Variants in SLC25A13 observed in about 807,000 individuals in gnomAD.
The protein encoded by SLC25A13 is solute carrier family 25 member 13, also known as electrogenic aspartate/glutamate antiporter SLC25A13, mitochondrial.
In SLC25A13, 70 loss-of-function variants were observed where a neutral mutation model predicts 85.5. The ratio of observed to expected loss-of-function variants is 0.82; its 90% CI spans 0.68 to 1.00. SLC25A13 has a LOEUF of 1.00. Ranked by LOEUF, SLC25A13 falls within the 50% of genes least tolerant of loss-of-function variation. SLC25A13 has a pLI of 0.00. For synonymous variants in SLC25A13, 259 were observed against 288.7 expected (o/e 0.90, Z 1.04); for missense variants, 765 against 819.8 (o/e 0.93, Z 0.82).
At chr7:96,173,838 C>T (rs574994087) in intron 11 of SLC25A13, among the ~76,000 whole-genome samples, 1 of 152,280 alleles carries the variant, frequency 6.6e-6, no homozygotes, top group South Asian at 2.1e-4. Context: ...GCAACCTGAG[C>T]CTGCTACCAA....
chr7:96,279,685 A>G (rs903420313), intron 2 of SLC25A13, among the ~76,000 whole-genome samples: 2 of 152,198 alleles, frequency 1.3e-5, no homozygotes, highest in African/African-American at 2.4e-5. Flanking sequence ...CAGCCAAGCC[A>G]TATCACCAGT....
Position 96,277,281 on chromosome 7 carries a change from G to T in SLC25A13, c.127C>A (p.Arg43=). Residue 43 remains arginine, a synonymous_variant, in exon 3 of 18, where the codon CGA becomes AGA. Coordinates refer to ENST00000265631, the MANE Select transcript of SLC25A13 (RefSeq NM_014251.3). ...FFMSPNDFVT[R]YLNIFGESQP... is the part of the protein sequence containing the mutation. ...CTTTCTCCAAAAATGTTCAAGTATC[G>T]AGTGACAAAGTCATTGGGGGACATG... 1 of 1,612,656 alleles carries T rather than the reference G, an allele frequency of 6.2e-7. No homozygotes were observed. The highest frequency in any genetic ancestry group is 8.5e-7 in the Non-Finnish European group (1 of 1,179,362).
chr7:96,192,173 T>G (rs1794880113), intron 6 of SLC25A13, among the ~76,000 whole-genome samples: 1 of 152,042 alleles, frequency 6.6e-6, no homozygotes, highest in South Asian at 2.1e-4. Flanking sequence ...AACTAAGGAC[T>G]TGGGGGAAGA....
chr7:96,232,910 G>A (rs1367167217), intron 4 of SLC25A13, among the ~76,000 whole-genome samples: 1 of 152,172 alleles, frequency 6.6e-6, no homozygotes, highest in Non-Finnish European at 1.5e-5. Flanking sequence ...ACAATTCAAA[G>A]ACAGCTCTTG....
intron 14 of SLC25A13, among the ~76,000 whole-genome samples, chr7:96,140,577 G>C (rs1231509227): frequency 1.3e-5 from 2 of 150,936 alleles, no homozygotes; most frequent in Admixed American, 1.3e-4. Flanking sequence ...CTAATTTTTT[G>C]TACTTTTAGT....
In SLC25A13 at chr7:96,171,533, C is replaced by T; in HGVS notation, c.1178-9G>A. 1 of 1,608,778 alleles carries T rather than the reference C, an allele frequency of 6.2e-7. No individual in the cohort carries two copies. Among genetic ancestry groups the T allele is most frequent in the Non-Finnish European group, 8.5e-7 (1 of 1,175,390 alleles). On this transcript the variant is annotated splice_polypyrimidine_tract_variant and intron_variant, in intron 11 of 17. Transcript: ENST00000265631. ...TAACTGTGGCAACAGACCTAAAAAT[C>T]AACAAAAAGTAGAAGTATATTAAAT...
chr7:96,204,326 T>G (rs952085014), intron 5 of SLC25A13, among the ~76,000 whole-genome samples: 18 of 152,212 alleles, frequency 1.2e-4, no homozygotes, highest in African/African-American at 4.1e-4. Flanking sequence ...AGAAAAGTTT[T>G]AGAAACCTTT....
At chr7:96,190,449 C>T (rs1038112967) in intron 7 of SLC25A13, among the ~76,000 whole-genome samples, 3 of 151,964 alleles carry the variant, frequency 2.0e-5, no homozygotes, top group Admixed American at 2.0e-4. Flanking sequence ...AGCCTACAGA[C>T]CAACTTACAC....
rs748764269 is a variant in SLC25A13 at position 96,191,153 on chromosome 7, T to C, written c.710A>G (p.Tyr237Cys). ...LNNMELIRKI[Y>C]STLAGTRKDV... ...TTTCCTGGTGCCAGCCAGAGTGCTA[T>C]AGATCTTTCTAATGAGTTCCATGTT... Residue 237 changes from tyrosine to cysteine, a missense_variant, in exon 7 of 18, where the codon TAT becomes TGT. Physicochemically the swap from Tyr to Cys is radical, Grantham distance 194. Coordinates refer to ENST00000265631, the MANE Select transcript of SLC25A13 (RefSeq NM_014251.3). 5.6e-6 allele frequency: 9 copies of C among 1,614,118 alleles called. No individual in the cohort carries two copies. The highest frequency in any genetic ancestry group is 2.2e-5 in the East Asian group (1 of 44,856).
intron 7 of SLC25A13, among the ~76,000 whole-genome samples, chr7:96,190,795 T>G (rs1194093992): frequency 6.6e-6 from 1 of 152,080 alleles, no homozygotes; most frequent in Non-Finnish European, 1.5e-5. Context: ...GTATTTTTAG[T>G]AGAGACAGGG....
At chr7:96,251,080 A>G (rs1285153736) in intron 3 of SLC25A13, among the ~76,000 whole-genome samples, 1 of 152,086 alleles carries the variant, frequency 6.6e-6, no homozygotes, top group Non-Finnish European at 1.5e-5. Context: ...ACCCACATGT[A>G]TTATACAAGA....
intron 3 of SLC25A13, among the ~76,000 whole-genome samples, chr7:96,262,612 C>T (rs1430367851): frequency 6.6e-6 from 1 of 152,072 alleles, no homozygotes; most frequent in Non-Finnish European, 1.5e-5. Context: ...TTTATATTCA[C>T]CTTATGTTGG....
intron 2 of SLC25A13, among the ~76,000 whole-genome samples, chr7:96,293,004 G>A (rs1332089452): frequency 6.6e-6 from 1 of 152,172 alleles, no homozygotes; most frequent in Non-Finnish European, 1.5e-5. Context: ...AAAGCCAGAG[G>A]CGTCACGTTA....
At chr7:96,170,981 C>T (rs987419750) in intron 12 of SLC25A13, among the ~76,000 whole-genome samples, 10 of 152,168 alleles carry the variant, frequency 6.6e-5, no homozygotes, top group Non-Finnish European at 1.5e-5. Context: ...ATAGAACACA[C>T]CCTAACCATG....
intron 11 of SLC25A13, among the ~76,000 whole-genome samples, chr7:96,173,562 T>C (rs1794095545): frequency 6.6e-6 from 1 of 152,236 alleles, no homozygotes; most frequent in African/African-American, 2.4e-5. Context: ...TTTGCAACGC[T>C]TCTTTTTGTT....
chr7:96,175,661 C>T (rs1794191706), intron 11 of SLC25A13, among the ~76,000 whole-genome samples: 1 of 152,156 alleles, frequency 6.6e-6, no homozygotes, highest in African/African-American at 2.4e-5. Context: ...CCCAGGCCCA[C>T]TAAGGAGCAT....
intron 13 of SLC25A13, among the ~76,000 whole-genome samples, chr7:96,151,204 A>G (rs536004582): frequency 3.3e-5 from 5 of 152,276 alleles, no homozygotes; most frequent in African/African-American, 1.2e-4. Flanking sequence ...CGAAATTTTA[A>G]TAAGGATGAT....
In SLC25A13 at chr7:96,189,666, CA is replaced by C. The variant is rs1562828868; in HGVS notation, c.762del (p.Phe254LeufsTer22). ...RKDVEVTKEE[F>X]VLAAQKFGQV... The stretch of plus-strand genomic sequence containing the variant: ...TGACCAAATTTCTGAGCTGCCAGAA[CA>C]AACTCCTCTGTATGGAAGAAAAGTT... On this transcript the variant is annotated frameshift_variant, in exon 8 of 18. Transcript: ENST00000265631. LOFTEE classifies it high-confidence loss of function. 7 of 1,612,702 alleles carry C rather than the reference CA, an allele frequency of 4.3e-6. No homozygotes were observed. The highest frequency in any genetic ancestry group is 5.9e-6 in the Non-Finnish European group (7 of 1,179,620).
chr7:96,149,807 C>T lies in SLC25A13; in HGVS notation c.1312-3111G>A, dbSNP rs73403004. 4.9e-4 allele frequency among the ~76,000 whole-genome samples: 75 copies of T among 152,296 alleles called. 1 individual carries two copies. The highest frequency in any genetic ancestry group is 1.7e-3 in the African/African-American group (71 of 41,582). ...CACACTGCGTGCCGCTCTTCCAATT[C>T]CTGGTCTATTATGCATTCACAGTAC... is the stretch of plus-strand genomic sequence containing the variant. On this transcript the variant is annotated intron_variant, in intron 13 of 17. Coordinates refer to ENST00000265631, the MANE Select transcript of SLC25A13 (RefSeq NM_014251.3).
Sources: allele counts gnomAD v4.1 joint callset (sites outside exome capture counted in the v4.1 genomes callset), GRCh38; gene constraint gnomAD v4.1.1; transcripts MANE v1.5; gene names NCBI Gene and HGNC (gene_info 2026-07-23, HGNC 2026-07-21).